Variants in CLCN6 observed in about 807,000 individuals in gnomAD.
CLCN6 encodes the protein Cl-/H+ antiporter 6, also known as H(+)/Cl(-) exchange transporter 6.
CLCN6 carries 70 observed loss-of-function variants against 109.8 expected under a neutral mutation model. The observed-to-expected ratio is 0.64, with a 90% CI of 0.53 to 0.78. The LOEUF is 0.78. Among genes scored for constraint, CLCN6 ranks in the 30% least tolerant of loss-of-function variants. CLCN6 has a pLI of 0.00. For missense variants in CLCN6, 984 were observed against 1,142.3 expected (o/e 0.86, Z 2.00); for synonymous variants, 444 against 447.8 (o/e 0.99, Z 0.11).
At chr1:11,816,733 C>T (rs964581548) in intron 4 of CLCN6, 53 bp downstream of exon 4, 13 of 1,407,418 alleles carry the variant, frequency 9.2e-6, no homozygotes, top group Middle Eastern at 3.6e-4. Flanking sequence ...GAGGGGCTTA[C>T]AGGGAAAGCC....
intron 13 of CLCN6, among the ~76,000 whole-genome samples, chr1:11,830,762 T>TACAC (rs1354089902): frequency 1.5e-5 from 2 of 134,876 alleles, no homozygotes; most frequent in South Asian, 4.6e-4. Flanking sequence ...TATATATATA[T>TACAC]ATACACACAC....
intron 2 of CLCN6, among the ~76,000 whole-genome samples, chr1:11,807,997 A>C (rs1238996436): frequency 6.6e-6 from 1 of 151,958 alleles, no homozygotes; most frequent in Non-Finnish European, 1.5e-5. Context: ...TAAATTCTTC[A>C]TGCTGTAGAA....
chr1:11,839,546 G>C (rs1430702137), intron 22 of CLCN6, among the ~76,000 whole-genome samples: 1 of 152,248 alleles, frequency 6.6e-6, no homozygotes, highest in Non-Finnish European at 1.5e-5. Flanking sequence ...ACATGCGTCA[G>C]CCACTGCACC....
intron 2 of CLCN6, among the ~76,000 whole-genome samples, chr1:11,814,684 A>G (rs1055160915): frequency 6.6e-6 from 1 of 152,118 alleles, no homozygotes; most frequent in African/African-American, 2.4e-5. Context: ...GCTGCTTCAG[A>G]TGTAGAAGTT....
At chr1:11,839,602 G>C (rs1288755729) in intron 22 of CLCN6, among the ~76,000 whole-genome samples, 1 of 152,242 alleles carries the variant, frequency 6.6e-6, no homozygotes, top group Non-Finnish European at 1.5e-5. Context: ...GGCATGCATA[G>C]TGCGTACTTA....
At chr1:11,810,572 C>T (rs1324778530) in intron 2 of CLCN6, among the ~76,000 whole-genome samples, 1 of 152,164 alleles carries the variant, frequency 6.6e-6, no homozygotes, top group Non-Finnish European at 1.5e-5. Flanking sequence ...GCTCGTAACC[C>T]CCTGTAACAG....
chr1:11,835,153 C>T (rs899383763), intron 17 of CLCN6, among the ~76,000 whole-genome samples: 3 of 152,210 alleles, frequency 2.0e-5, no homozygotes, highest in Non-Finnish European at 4.4e-5. Context: ...GTCTCTGTCA[C>T]GACTACTCGA....
chr1:11,821,377 G>T (rs915479902), intron 5 of CLCN6, among the ~76,000 whole-genome samples: 3 of 152,190 alleles, frequency 2.0e-5, no homozygotes, highest in African/African-American at 7.2e-5. Flanking sequence ...GGCCAACATG[G>T]TGAAACCCTG....
At chr1:11,830,781 TATAC>T (rs1036065992) in intron 13 of CLCN6, among the ~76,000 whole-genome samples, 3 of 121,882 alleles carry the variant, frequency 2.5e-5, no homozygotes, top group African/African-American at 1.2e-4. Flanking sequence ...ACACACTATA[TATAC>T]ACACACACAC....
chr1:11,818,218 G>A, intron 4 of CLCN6, among the ~76,000 whole-genome samples: 1 of 152,110 alleles, frequency 6.6e-6, no homozygotes, highest in East Asian at 1.9e-4. Flanking sequence ...GTTAGTGTTT[G>A]TGCTACTTTT....
At chr1:11,807,443 C>T (rs1178037292) in intron 2 of CLCN6, among the ~76,000 whole-genome samples, 2 of 152,170 alleles carry the variant, frequency 1.3e-5, no homozygotes, top group African/African-American at 4.8e-5. Context: ...ATGTATTTGC[C>T]ATTAAACTGT....
At chr1:11,814,731 C>T (rs1644646297) in intron 2 of CLCN6, among the ~76,000 whole-genome samples, 1 of 152,002 alleles carries the variant, frequency 6.6e-6, no homozygotes. Context: ...TGTGCCTCTT[C>T]CTAACATAAA....
chr1:11,807,273 G>A (rs1306106068), intron 2 of CLCN6, 83 bp downstream of exon 2: 9 of 1,237,130 alleles, frequency 7.3e-6, no homozygotes, highest in Non-Finnish European at 8.3e-6. Flanking sequence ...ATTCCAACCA[G>A]AGATGCTCTT....
chr1:11,812,664 TTGTGTGTG>T (rs61487985), intron 2 of CLCN6, among the ~76,000 whole-genome samples: 8,605 of 126,952 alleles, frequency 0.068, 713 homozygotes, highest in East Asian at 0.28. Context: ...CAAAGTATGT[TTGTGTGTG>T]TGTGTGTGTG....
At chr1:11,827,358 A>G (rs1157504709) in intron 10 of CLCN6, 137 bp downstream of exon 10, 3 of 839,094 alleles carry the variant, frequency 3.6e-6, no homozygotes, top group Non-Finnish European at 5.3e-6. Flanking sequence ...TCTTGTGCCC[A>G]TAACCTCCAC....
intron 2 of CLCN6, among the ~76,000 whole-genome samples, chr1:11,814,916 C>G (rs1420458376): frequency 1.3e-5 from 2 of 151,912 alleles, no homozygotes; most frequent in Non-Finnish European, 2.9e-5. Flanking sequence ...GCCTGTAGTC[C>G]CAGCTACTCA....
intron 13 of CLCN6, among the ~76,000 whole-genome samples, chr1:11,831,525 T>G (rs1395692881): frequency 6.6e-6 from 1 of 152,182 alleles, no homozygotes; most frequent in African/African-American, 2.4e-5. Context: ...CACTGGCAAC[T>G]TCTAAAATAT....
chr1:11,830,626 A>G (rs1214913497), intron 13 of CLCN6, among the ~76,000 whole-genome samples: 1 of 151,052 alleles, frequency 6.6e-6, no homozygotes, highest in Non-Finnish European at 1.5e-5. Flanking sequence ...CTGAGGAACA[A>G]CTGTACTCTT....
Position 11,834,149 on chromosome 1 carries a change from C to T in CLCN6, c.1527-87C>T. 1.3e-6 allele frequency: 2 copies of T among 1,595,014 alleles called. No homozygotes were observed. The highest frequency in any genetic ancestry group is 8.5e-7 in the Non-Finnish European group (1 of 1,171,136). ...CTGTGCCCATGCATGCACATATGTG[C>T]ATAGGCACAAGAGTATGAGCTGTAG... On this transcript the variant is annotated intron_variant, in intron 15 of 22. Coordinates refer to ENST00000346436, the MANE Select transcript of CLCN6 (RefSeq NM_001286.5). This position sits in a 1 kb window ranked among gnomAD's most constrained non-coding sequence, Gnocchi z 4.5.
Sources: allele counts gnomAD v4.1 joint callset (sites outside exome capture counted in the v4.1 genomes callset), GRCh38; gene constraint gnomAD v4.1.1; non-coding constraint Gnocchi (gnomAD v3.1); transcripts MANE v1.5; gene names NCBI Gene and HGNC (gene_info 2026-07-23, HGNC 2026-07-21).